The following IGFLR1 variants were observed in gnomAD, a reference collection of about 807,000 sequenced individuals.
IGFLR1 encodes the protein IGF-like family receptor 1.
IGFLR1 carries 17 observed loss-of-function variants against 23.4 expected under a neutral mutation model. That is an observed-to-expected ratio of 0.73 (90% CI 0.50 to 1.09). The LOEUF (loss-of-function observed/expected upper bound fraction) is 1.09. IGFLR1 is among the 50% of genes least tolerant of loss of function. The pLI is 0.00. For missense variants in IGFLR1, 556 were observed against 459.2 expected (o/e 1.21, Z -1.93); for synonymous variants, 265 against 210.7 (o/e 1.26, Z -2.23).
intron 2 of IGFLR1, 185 bp from the exon 3 acceptor site, chr19:35,740,749 C>A: frequency 1.4e-5 from 9 of 656,362 alleles, no homozygotes; most frequent in Non-Finnish European, 2.3e-5. Flanking sequence ...CTGCTCCGCA[C>A]GAAGCTCCGC....
At chr19:35,742,332 T>G in intron 1 of IGFLR1, 64 bp downstream of exon 1, 1 of 1,322,212 alleles carries the variant, frequency 7.6e-7, no homozygotes, top group Non-Finnish European at 1.0e-6. Flanking sequence ...CTCTCCCCCT[T>G]GAATAAGCCT....
In IGFLR1 at chr19:35,740,469, C is replaced by T. The variant is rs373414252; in HGVS notation, c.253G>A (p.Gly85Ser). The T allele has an allele frequency of 9.2e-5, 148 of 1,613,020 alleles. No homozygotes were observed. The highest frequency in any genetic ancestry group is 5.2e-4 in the South Asian group (47 of 91,084). The stretch of plus-strand genomic sequence containing the variant: ...CCGCAGGGGCTACATAGCTCCGCGC[C>T]GTCGGGGTTGCACTGCCCAGAAGAA... ...KCSSGQCNPDGAELCSPCGGG... is the reference protein window; with the variant it reads ...KCSSGQCNPDSAELCSPCGGG... Residue 85 changes from glycine (G) to serine (S), a missense_variant, in exon 3 of 5, where the codon GGC becomes AGC. Gly to Ser is a moderately conservative substitution (Grantham distance 56). Coordinates refer to ENST00000246532, the MANE Select transcript of IGFLR1 (RefSeq NM_024660.4).
rs1476839740 is a variant in IGFLR1 at position 35,739,838 on chromosome 19, G to T, written c.593C>A (p.Pro198His). The T allele has an allele frequency of 1.1e-5, 17 of 1,611,494 alleles. No individual in the cohort carries two copies. The highest frequency in any genetic ancestry group is 1.4e-5 in the Non-Finnish European group (17 of 1,178,044). Residue 198 changes from proline to histidine, a missense_variant, in exon 4 of 5, where the codon CCC becomes CAC. Coordinates refer to ENST00000246532, the MANE Select transcript of IGFLR1 (RefSeq NM_024660.4). ...GACTCCGCAGACCAAGCCAGGATAG[G>T]GATAGGGGTCGGCTTTCTCCTTGGG... is the stretch of plus-strand genomic sequence containing the variant. Reference protein sequence around the residue: ...CWPKEKADPYPYPGLVCGVPN... With the variant: ...CWPKEKADPYHYPGLVCGVPN...
At position 35,739,977 on chromosome 19, in the gene IGFLR1, G is replaced by T. The variant is rs1970109589; in HGVS notation, c.454C>A (p.Pro152Thr). The change falls in exon 4 of 5, where the codon CCT becomes ACT. Residue 152 changes from proline (P) to threonine (T), a missense_variant. Transcript: ENST00000246532. ...ASSIAWRTPE[P>T]VPQQAWPNFL... is the part of the protein sequence containing the mutation. ...TTCGGCCAGGCCTGCTGAGGGACAGGCTCAGGGGTCCTCCAGGCAATGGAA... is the reference window on the plus strand; with the variant it reads ...TTCGGCCAGGCCTGCTGAGGGACAGTCTCAGGGGTCCTCCAGGCAATGGAA... The T allele has an allele frequency of 6.2e-7, 1 of 1,614,034 alleles. No individual in the cohort carries two copies. The highest frequency in any genetic ancestry group is 2.2e-5 in the East Asian group (1 of 44,882).
chr19:35,741,515 C>T (rs776675192), intron 1 of IGFLR1: 8 of 304,350 alleles, frequency 2.6e-5, no homozygotes, highest in Non-Finnish European at 4.1e-5. Flanking sequence ...AGAATTAGAA[C>T]CGTCATTAGA....
chr19:35,738,942 C>T lies in IGFLR1; in HGVS notation c.*338G>A. Reference sequence around the variant, plus strand: ...GGAACCCCACTTCTACACACCCACCCATCATGACCCAAGGAAGTTCATCAG... The same window carrying T: ...GGAACCCCACTTCTACACACCCACCTATCATGACCCAAGGAAGTTCATCAG... On this transcript the variant is annotated 3_prime_UTR_variant, in exon 5 of 5. Transcript: ENST00000246532. This position sits in a 1 kb window ranked among gnomAD's most constrained non-coding sequence, Gnocchi z 8.7. 1 of 450,070 alleles carries T rather than the reference C, an allele frequency of 2.2e-6. No individual in the cohort carries two copies. The highest frequency in any genetic ancestry group is 4.0e-6 in the Non-Finnish European group (1 of 252,084). 27.9% of individuals were successfully genotyped at this position (450,070 alleles called of 1,614,324 possible).
rs149185726 is a variant in IGFLR1 at position 35,740,442 on chromosome 19, C to T, written c.280G>A (p.Gly94Ser). 588 of 1,611,664 alleles carry T rather than the reference C, an allele frequency of 3.6e-4. 1 individual carries two copies. The highest frequency in any genetic ancestry group is 4.9e-4 in the Middle Eastern group (3 of 6,068). The part of the protein sequence containing the change: ...DGAELCSPCG[G>S]GAVTPTPAAG... ...GCGGGAGTAGGGGTCACGGCTCCGCCGCCGCAGGGGCTACATAGCTCCGCG... is the reference window on the plus strand; with the variant it reads ...GCGGGAGTAGGGGTCACGGCTCCGCTGCCGCAGGGGCTACATAGCTCCGCG... The change falls in exon 3 of 5, where the codon GGC becomes AGC. Residue 94 changes from glycine (G) to serine (S), a missense_variant. By Grantham distance (56) the Gly-to-Ser change is moderately conservative (BLOSUM62 0). Transcript: ENST00000246532.
At chr19:35,741,801 C>T (rs1034355583) in intron 1 of IGFLR1, among the ~76,000 whole-genome samples, 1 of 144,410 alleles carries the variant, frequency 6.9e-6, no homozygotes, top group South Asian at 2.2e-4. Flanking sequence ...CACAGCAAGA[C>T]CTCATCTCTA....
intron 1 of IGFLR1, 26 bp from the exon 2 acceptor site, chr19:35,741,249 G>T (rs766663629): frequency 6.3e-7 from 1 of 1,581,830 alleles, no homozygotes; most frequent in Non-Finnish European, 8.6e-7. Flanking sequence ...AAATCGGGCA[G>T]AAGAAAGGAC....
In IGFLR1 at chr19:35,739,948, G is replaced by C. The variant is rs1970108208; in HGVS notation, c.483C>G (p.Phe161Leu). 1 of 1,614,162 alleles carries C rather than the reference G, an allele frequency of 6.2e-7. No individual in the cohort carries two copies. Among genetic ancestry groups the C allele is most frequent in the Admixed American group, 1.7e-5 (1 of 60,026 alleles). The change falls in exon 4 of 5, where the codon TTC becomes TTG. Residue 161 changes from phenylalanine to leucine, a missense_variant. Physicochemically the swap from Phe to Leu is conservative, Grantham distance 22. Transcript: ENST00000246532. Reference sequence around the variant, plus strand: ...GCAGGACCAGCACCACGAGCGGAAGGAAATTCGGCCAGGCCTGCTGAGGGA... The same window carrying C: ...GCAGGACCAGCACCACGAGCGGAAGCAAATTCGGCCAGGCCTGCTGAGGGA... ...EPVPQQAWPN[F>L]LPLVVLVLLL...
Position 35,741,068 on chromosome 19 carries a change from C to A in IGFLR1, c.113G>T (p.Cys38Phe). The A allele has an allele frequency of 6.2e-7, 1 of 1,607,380 alleles. No homozygotes were observed. Residue 38 changes from cysteine (C) to phenylalanine (F), a missense_variant, in exon 2 of 5, where the codon TGC becomes TTC. Transcript: ENST00000246532. ...GAAGCGTTGCAGGCAGCTGCTGCAG[C>A]ACTTGTTGTCTGGGTTCCAGTATTC... ...RLEYWNPDNK[C>F]CSSCLQRFGP...
rs1444708435 is a variant in IGFLR1 at position 35,740,060 on chromosome 19, G to A, written c.371C>T (p.Pro124Leu). Residue 124 changes from proline (P) to leucine (L), a missense_variant, in exon 4 of 5, where the codon CCC (proline) becomes CTC (leucine). Pro to Leu is a moderately conservative substitution (Grantham distance 98). Coordinates refer to ENST00000246532, the MANE Select transcript of IGFLR1 (RefSeq NM_024660.4). Reference sequence around the variant, plus strand: ...GGCGCCTGGGTTTCCAGGTGTGAGGGGGCAGTGCCCCTTGGCAGGGACCGG... The same window carrying A: ...GGCGCCTGGGTTTCCAGGTGTGAGGAGGCAGTGCCCCTTGGCAGGGACCGG... ...ERPVPAKGHC[P>L]LTPGNPGAPS... 3.7e-6 allele frequency: 6 copies of A among 1,613,496 alleles called. No homozygotes were observed. Among genetic ancestry groups the A allele is most frequent in the Non-Finnish European group, 5.1e-6 (6 of 1,179,872 alleles).
In IGFLR1 at chr19:35,738,827, G is replaced by T; in HGVS notation, c.*453C>A. 2.0e-6 allele frequency: 1 copy of T among 511,882 alleles called. No homozygotes were observed. Among genetic ancestry groups the T allele is most frequent in the African/African-American group, 1.9e-5 (1 of 52,210 alleles). The allele number at this position is 511,882 out of a possible 1,614,324, so 31.7% of individuals were successfully genotyped here. A position where few individuals can be genotyped will look rare whatever the true frequency, so the allele number is the denominator to read the frequency against. The stretch of plus-strand genomic sequence containing the variant: ...TTTCTATGCACTTTTTTATTTAAGA[G>T]GTGGGGTCCCAGGTGGGAACCCCCC... On this transcript the variant is annotated 3_prime_UTR_variant, in exon 5 of 5. Coordinates refer to ENST00000246532, the MANE Select transcript of IGFLR1 (RefSeq NM_024660.4). The surrounding 1 kb of genome is among the most constrained non-coding windows in gnomAD (Gnocchi z 8.7).
Position 35,739,753 on chromosome 19 carries a change from C to G in IGFLR1, c.678G>C (p.Gly226=). 2 of 1,554,722 alleles carry G rather than the reference C, an allele frequency of 1.3e-6. No homozygotes were observed. The highest frequency in any genetic ancestry group is 1.2e-5 in the South Asian group (1 of 81,808). Residue 226 remains glycine, a synonymous_variant, in exon 4 of 5, where the codon GGG becomes GGC. Coordinates refer to ENST00000246532, the MANE Select transcript of IGFLR1 (RefSeq NM_024660.4). ...HLSSPGALET[G]DTWKEASLLP... is the part of the protein sequence containing the mutation. Reference sequence around the variant, plus strand: ...GTAGTGAGGCCTCCTTCCATGTGTCCCCTGTCTCCAGGGCGCCTGGGGAGG... The same window carrying G: ...GTAGTGAGGCCTCCTTCCATGTGTCGCCTGTCTCCAGGGCGCCTGGGGAGG...
chr19:35,739,203 T>G lies in IGFLR1; in HGVS notation c.*77A>C, dbSNP rs987185890. The G allele has an allele frequency of 7.5e-7, 1 of 1,326,586 alleles. No individual in the cohort carries two copies. Among genetic ancestry groups the G allele is most frequent in the Non-Finnish European group, 1.0e-6 (1 of 979,102 alleles). 82.2% of individuals were successfully genotyped at this position (1,326,586 alleles called of 1,614,324 possible). ...GCTATCTGTTGGGTCTTTGCCCAAT[T>G]AGGATTGTACTTCAAGAAGTACTTC... On this transcript the variant is annotated 3_prime_UTR_variant, in exon 5 of 5. Coordinates refer to ENST00000246532, the MANE Select transcript of IGFLR1 (RefSeq NM_024660.4).
chr19:35,742,204 C>T (rs755805338), intron 1 of IGFLR1, among the ~76,000 whole-genome samples, 192 bp downstream of exon 1: 2 of 152,274 alleles, frequency 1.3e-5, no homozygotes, highest in South Asian at 2.1e-4. Context: ...CATCACAATT[C>T]GGCAGGCACG....
At position 35,738,892 on chromosome 19, in the gene IGFLR1, C is replaced by T. The variant is rs1012042350; in HGVS notation, c.*388G>A. On this transcript the variant is annotated 3_prime_UTR_variant, in exon 5 of 5. Transcript: ENST00000246532. The surrounding 1 kb of genome is among the most constrained non-coding windows in gnomAD (Gnocchi z 8.7). ...TCAATGTTTGGAGAGGTGGTCTTCC[C>T]ATTTGTAGGCTGTGGGGGCAGGTAG... is the stretch of plus-strand genomic sequence containing the variant. The T allele has an allele frequency of 3.3e-5, 15 of 458,590 alleles. No individual in the cohort carries two copies. The highest frequency in any genetic ancestry group is 2.9e-4 in the African/African-American group (15 of 50,984). 28.4% of individuals were successfully genotyped at this position (458,590 alleles called of 1,614,324 possible).
Position 35,739,794 on chromosome 19 carries a change from A to G in IGFLR1, c.637T>C (p.Ser213Pro). 6.3e-7 allele frequency: 1 copy of G among 1,580,298 alleles called. No individual in the cohort carries two copies. The highest frequency in any genetic ancestry group is 8.6e-7 in the Non-Finnish European group (1 of 1,159,886). The change falls in exon 4 of 5, where the codon TCC (serine) becomes CCC (proline). Residue 213 changes from serine to proline, a missense_variant. Physicochemically the swap from Ser to Pro is moderately conservative, Grantham distance 74 (BLOSUM62 -1). Transcript: ENST00000246532. ...CCTGGGGAGGACAGATGCGAGGAGG[A>G]AGGGGTGTGGGTGTTGGGGACTCCG... is the stretch of plus-strand genomic sequence containing the variant. The part of the protein sequence containing the change: ...VCGVPNTHTP[S>P]SSHLSSPGAL...
chr19:35,739,555 C>T lies in IGFLR1; in HGVS notation c.793G>A (p.Val265Ile). ...GGCCCAGGCTCAGGGTCCAGCAGTA[C>T]AATCAGCTCTTCCAGCACCTCCAGC... ...DELEVLEELIVLLDPEPGPGG... is the reference protein window; with the variant it reads ...DELEVLEELIILLDPEPGPGG... The change falls in exon 5 of 5, where the codon GTA becomes ATA. Residue 265 changes from valine to isoleucine, a missense_variant. Transcript: ENST00000246532. The T allele has an allele frequency of 6.2e-7, 1 of 1,614,132 alleles. No homozygotes were observed. Among genetic ancestry groups the T allele is most frequent in the Non-Finnish European group, 8.5e-7 (1 of 1,180,024 alleles).
Sources: allele counts gnomAD v4.1 joint callset (sites outside exome capture counted in the v4.1 genomes callset), GRCh38; gene constraint gnomAD v4.1.1; non-coding constraint Gnocchi (gnomAD v3.1); transcripts MANE v1.5; gene names NCBI Gene and HGNC (gene_info 2026-07-23, HGNC 2026-07-21).